The following CSMD3 variants were observed in gnomAD, a reference collection of about 807,000 sequenced individuals.
The protein encoded by CSMD3 is CUB and Sushi multiple domains 3.
Under a neutral mutation model 435.2 loss-of-function variants are expected in CSMD3, and 177 were observed. That is an observed-to-expected ratio of 0.41 (90% CI 0.36 to 0.46). The LOEUF (loss-of-function observed/expected upper bound fraction) is 0.46. CSMD3 is among the 20% of genes least tolerant of loss of function. The pLI, the probability that CSMD3 is intolerant of heterozygous loss-of-function variation, is 0.34. For missense variants in CSMD3, 4,265 were observed against 4,504.6 expected, an observed-to-expected ratio of 0.95 and a Z score of 1.52; for synonymous variants, 1,656 against 1,520.5, an observed-to-expected ratio of 1.09 and a Z score of -2.07.
intron 1 of CSMD3, among the ~76,000 whole-genome samples, chr8:113,373,222 G>A (rs1351946694): frequency 2.0e-5 from 3 of 151,888 alleles, no homozygotes; most frequent in Non-Finnish European, 4.4e-5. Flanking sequence ...GCTTTCATAT[G>A]TAACACCTGC....
At chr8:113,416,865 GAGT>G (rs1286944139) in intron 1 of CSMD3, among the ~76,000 whole-genome samples, 1 of 152,046 alleles carries the variant, frequency 6.6e-6, no homozygotes, top group Non-Finnish European at 1.5e-5. Context: ...TTTGATTCAA[GAGT>G]AGAGAGGAAA....
chr8:112,576,659 T>C (rs755478524), intron 23 of CSMD3, among the ~76,000 whole-genome samples: 3 of 151,900 alleles, frequency 2.0e-5, no homozygotes, highest in African/African-American at 7.3e-5. Flanking sequence ...GACTCCCAAG[T>C]AGCTTGCACT....
intron 13 of CSMD3, among the ~76,000 whole-genome samples, chr8:112,740,436 C>T (rs1165325498): frequency 6.6e-6 from 1 of 151,580 alleles, no homozygotes; most frequent in Non-Finnish European, 1.5e-5. Context: ...CTTCCTCACT[C>T]TTTTTTATAG....
At chr8:113,424,234 C>T (rs2094623235) in intron 1 of CSMD3, among the ~76,000 whole-genome samples, 1 of 151,608 alleles carries the variant, frequency 6.6e-6, no homozygotes, top group Admixed American at 6.6e-5. Context: ...GATCATTCTA[C>T]CAAACTCCTA....
intron 42 of CSMD3, among the ~76,000 whole-genome samples, chr8:112,338,689 T>C (rs926574357): frequency 6.6e-6 from 1 of 152,166 alleles, no homozygotes; most frequent in Non-Finnish European, 1.5e-5. Context: ...GATTTCAGAA[T>C]TAATGAACAA....
At position 112,630,880 on chromosome 8, in the gene CSMD3, T is replaced by G. The variant is rs182433849; in HGVS notation, c.3715+5937A>C. The stretch of plus-strand genomic sequence containing the variant: ...AGGTCCAGTGTACTCAGAAGAGATT[T>G]GAGTATACGGATAGATTTTGAGATG... On this transcript the variant is annotated intron_variant, in intron 22 of 70. Transcript: ENST00000297405. Among the ~76,000 whole-genome samples, 254 of 151,712 alleles carry G rather than the reference T, an allele frequency of 1.7e-3. 3 individuals are homozygous for G. Among genetic ancestry groups the G allele is most frequent in the African/African-American group, 5.9e-3 (243 of 41,372 alleles).
At chr8:112,320,108 G>T (rs1254493377) in intron 45 of CSMD3, 127 bp from the exon 46 acceptor site, 10 of 661,546 alleles carry the variant, frequency 1.5e-5, no homozygotes, top group African/African-American at 1.3e-4. Context: ...TTTATCAAGT[G>T]TCAATTACAT....
chr8:113,245,412 T>G (rs930818820), intron 3 of CSMD3, among the ~76,000 whole-genome samples: 1 of 151,968 alleles, frequency 6.6e-6, no homozygotes, highest in African/African-American at 2.4e-5. Flanking sequence ...TTATTTTACT[T>G]TATATTGAGT....
chr8:112,504,995 A>T (rs998361280), intron 29 of CSMD3, among the ~76,000 whole-genome samples: 62 of 152,290 alleles, frequency 4.1e-4, no homozygotes, highest in African/African-American at 1.4e-3. Context: ...TAAGCAATAG[A>T]TTTGTTACGT....
chr8:112,829,916 C>T lies in CSMD3; in HGVS notation c.1756-127G>A, dbSNP rs1030500748. 32 of 557,718 alleles carry T rather than the reference C, an allele frequency of 5.7e-5. 1 individual carries two copies. The South Asian group carries it at 6.7e-4, about 12-fold the overall frequency. 34.5% of individuals were successfully genotyped at this position (557,718 alleles called of 1,614,324 possible). On this transcript the variant is annotated intron_variant, in intron 11 of 70. Transcript: ENST00000297405. Reference sequence around the variant, plus strand: ...ACACACACACACACACACACACACACACACACACACAAGCAGTTCAATTAT... The same window carrying T: ...ACACACACACACACACACACACACATACACACACACAAGCAGTTCAATTAT...
intron 7 of CSMD3, among the ~76,000 whole-genome samples, chr8:112,957,096 A>C (rs560139906): frequency 2.0e-5 from 3 of 152,238 alleles, no homozygotes; most frequent in Admixed American, 2.0e-4. Context: ...TAAATATTGC[A>C]AGTATTAATT....
At chr8:112,660,203 T>C (rs1163393114) in intron 17 of CSMD3, among the ~76,000 whole-genome samples, 1 of 152,124 alleles carries the variant, frequency 6.6e-6, no homozygotes, top group African/African-American at 2.4e-5. Context: ...GAATCCATTA[T>C]GTGTTAGATA....
chr8:113,154,915 T>C (rs1218864780), intron 4 of CSMD3, among the ~76,000 whole-genome samples: 1 of 152,016 alleles, frequency 6.6e-6, no homozygotes, highest in South Asian at 2.1e-4. Context: ...TATAAATTTG[T>C]CTATTTTGTG....
intron 1 of CSMD3, among the ~76,000 whole-genome samples, chr8:113,335,439 C>T (rs2094064992): frequency 1.3e-5 from 2 of 150,468 alleles, no homozygotes; most frequent in South Asian, 4.3e-4. Flanking sequence ...AATAATATTT[C>T]TCTATTATTT....
intron 1 of CSMD3, among the ~76,000 whole-genome samples, chr8:113,387,158 A>T (rs922820429): frequency 1.3e-5 from 2 of 151,780 alleles, no homozygotes; most frequent in African/African-American, 4.8e-5. Context: ...TTAATTGCAT[A>T]CATACTTGCT....
At chr8:112,987,930 G>A (rs1255335833) in intron 6 of CSMD3, among the ~76,000 whole-genome samples, 1 of 151,974 alleles carries the variant, frequency 6.6e-6, no homozygotes, top group Non-Finnish European at 1.5e-5. Context: ...GGAGGGCAAT[G>A]ATGGGGAGGT....
intron 14 of CSMD3, among the ~76,000 whole-genome samples, chr8:112,688,226 G>C (rs1374530212): frequency 6.6e-6 from 1 of 152,112 alleles, no homozygotes; most frequent in Non-Finnish European, 1.5e-5. Context: ...TGGAGCAAGA[G>C]CTAACCAAAG....
At chr8:113,215,406 C>T (rs2092891801) in intron 3 of CSMD3, among the ~76,000 whole-genome samples, 1 of 151,978 alleles carries the variant, frequency 6.6e-6, no homozygotes, top group African/African-American at 2.4e-5. Context: ...GTAGATTTAA[C>T]CTTTCTTAGG....
chr8:112,811,950 T>A lies in CSMD3; in HGVS notation c.1860-11676A>T, dbSNP rs149585093. Among the ~76,000 whole-genome samples, 321 of 152,274 alleles carry A rather than the reference T, an allele frequency of 2.1e-3. 1 individual carries two copies. The highest frequency in any genetic ancestry group is 7.3e-3 in the African/African-American group (304 of 41,566). ...TCAACCCTGACAGTAAAGGATGCTG[T>A]GGGCTACAGAGGAAAGAGTCATATT... On this transcript the variant is annotated intron_variant, in intron 12 of 70. Transcript: ENST00000297405.
Sources: allele counts gnomAD v4.1 joint callset (sites outside exome capture counted in the v4.1 genomes callset), GRCh38; gene constraint gnomAD v4.1.1; transcripts MANE v1.5; gene names NCBI Gene and HGNC (gene_info 2026-07-23, HGNC 2026-07-21).